Variants in TSGA10 observed in about 807,000 individuals in gnomAD.
The protein encoded by TSGA10 is testis-specific gene 10 protein.
A neutral mutation model predicts 96.6 loss-of-function variants in TSGA10; 43 were observed. That is an observed-to-expected ratio of 0.44 (90% CI 0.35 to 0.57). The LOEUF is 0.57. Ranked by LOEUF, TSGA10 falls within the 20% of genes least tolerant of loss-of-function variation. The pLI, the probability that TSGA10 is intolerant of heterozygous loss-of-function variation, is 0.01. For synonymous variants in TSGA10, 229 were observed against 269.9 expected, an observed-to-expected ratio of 0.85 and a Z score of 1.48; for missense variants, 703 against 834.4, an observed-to-expected ratio of 0.84 and a Z score of 1.94.
chr2:99,106,261 T>A (rs1413940687), intron 7 of TSGA10, among the ~76,000 whole-genome samples: 1 of 152,174 alleles, frequency 6.6e-6, no homozygotes, highest in Non-Finnish European at 1.5e-5. Context: ...CTTTTCCTCT[T>A]GATTTTGATC....
intron 16 of TSGA10, among the ~76,000 whole-genome samples, chr2:99,041,620 G>A (rs1278548746): frequency 2.0e-5 from 3 of 152,054 alleles, no homozygotes; most frequent in Non-Finnish European, 4.4e-5. Context: ...GAGATAATTG[G>A]CAAGCTATAT....
chr2:98,999,384 T>G (rs1326758830), intron 20 of TSGA10, among the ~76,000 whole-genome samples: 1 of 152,090 alleles, frequency 6.6e-6, no homozygotes, highest in Non-Finnish European at 1.5e-5. Flanking sequence ...CATGACAACC[T>G]GGGAAAGGCA....
intron 20 of TSGA10, among the ~76,000 whole-genome samples, chr2:99,011,648 C>T (rs1307041586): frequency 6.6e-6 from 1 of 152,088 alleles, no homozygotes. Context: ...CCTCCCTGAC[C>T]TTTAAATGTG....
rs140755710 is a variant in TSGA10 at position 99,092,985 on chromosome 2, T to C, written c.611+10982A>G. 3.0e-3 allele frequency among the ~76,000 whole-genome samples: 457 copies of C among 152,210 alleles called. 1 individual carries two copies. Among genetic ancestry groups the C allele is most frequent in the African/African-American group, 9.3e-3 (387 of 41,552 alleles). ...TATAGACCAATATATCTGATGAATATAGATGCAAAAATCCTTAACAAAATA... is the reference window on the plus strand; with the variant it reads ...TATAGACCAATATATCTGATGAATACAGATGCAAAAATCCTTAACAAAATA... On this transcript the variant is annotated intron_variant, in intron 10 of 20. Transcript: ENST00000393483.
In TSGA10 at chr2:99,074,000, C is replaced by CTTTTTTT. The variant is rs1167854716; in HGVS notation, c.883-934_883-928dup. Among the ~76,000 whole-genome samples, 461 of 52,642 alleles carry CTTTTTTT rather than the reference C, an allele frequency of 8.8e-3. 63 individuals carry two copies. The highest frequency in any genetic ancestry group is 0.031 in the Middle Eastern group (1 of 32). The allele number at this position is 52,642 out of a possible 152,430, so 34.5% of individuals were successfully genotyped here. On this transcript the variant is annotated intron_variant, in intron 12 of 20. Coordinates refer to ENST00000393483, the MANE Select transcript of TSGA10 (RefSeq NM_025244.4). ...AACCAATTCTGTTCCTGTTTCTTTT[C>CTTTTTTT]TTTTTTTTTTTTTTTTTTTTTTTTT...
At chr2:99,113,240 G>A (rs1245340461) in intron 4 of TSGA10, among the ~76,000 whole-genome samples, 2 of 152,084 alleles carry the variant, frequency 1.3e-5, no homozygotes, top group African/African-American at 4.8e-5. Flanking sequence ...CTCCCCTAGA[G>A]TGTGGGTTAT....
chr2:99,027,138 G>A (rs917453877), intron 17 of TSGA10, among the ~76,000 whole-genome samples: 7 of 152,344 alleles, frequency 4.6e-5, no homozygotes, highest in Middle Eastern at 3.4e-3. Context: ...GTGCGGCTAG[G>A]ACTGGTACCA....
intron 10 of TSGA10, among the ~76,000 whole-genome samples, chr2:99,092,519 T>A (rs1212453473): frequency 1.3e-5 from 2 of 152,098 alleles, no homozygotes; most frequent in Non-Finnish European, 2.9e-5. Context: ...GTAAAATTGA[T>A]AGACCATTAG....
chr2:99,023,487 C>T (rs1230243200), intron 17 of TSGA10, among the ~76,000 whole-genome samples: 2 of 151,924 alleles, frequency 1.3e-5, no homozygotes, highest in African/African-American at 2.4e-5. Flanking sequence ...TGCTGCCTAA[C>T]CCAAGGTCAC....
chr2:99,107,852 G>T (rs564230717), intron 7 of TSGA10, among the ~76,000 whole-genome samples: 43 of 152,146 alleles, frequency 2.8e-4, no homozygotes, highest in Non-Finnish European at 5.9e-4. Flanking sequence ...TACAGAAAAA[G>T]TATATTGATT....
chr2:99,095,908 G>A (rs545573145), intron 10 of TSGA10, among the ~76,000 whole-genome samples: 1 of 152,140 alleles, frequency 6.6e-6, no homozygotes, highest in African/African-American at 2.4e-5. Flanking sequence ...CAAAGTGCTG[G>A]GATTACAGGC....
At chr2:99,110,943 T>A (rs888934572) in intron 4 of TSGA10, 28 bp from the exon 5 acceptor site, 8 of 514,526 alleles carry the variant, frequency 1.6e-5, no homozygotes, top group African/African-American at 4.2e-5. Flanking sequence ...AAAAAAAAAA[T>A]TATTTCTATT....
rs1167854716 is a variant in TSGA10 at position 99,074,000 on chromosome 2, CTTTTTTTTTTTTTTT to C, written c.883-942_883-928del. 5.1e-4 allele frequency among the ~76,000 whole-genome samples: 27 copies of C among 52,638 alleles called. 1 individual carries two copies. Among genetic ancestry groups the C allele is most frequent in the South Asian group, 4.2e-3 (6 of 1,434 alleles). 34.5% of individuals were successfully genotyped at this position (52,638 alleles called of 152,430 possible). A position where few individuals can be genotyped will look rare whatever the true frequency, so the allele number is the denominator to read the frequency against. ...AACCAATTCTGTTCCTGTTTCTTTT[CTTTTTTTTTTTTTTT>C]TTTTTTTTTTTTTTGAGATGGAGTT... On this transcript the variant is annotated intron_variant, in intron 12 of 20. Coordinates refer to ENST00000393483, the MANE Select transcript of TSGA10 (RefSeq NM_025244.4).
chr2:99,073,991 G>GTTTTTT (rs2086294128), intron 12 of TSGA10, among the ~76,000 whole-genome samples: 1 of 44,364 alleles, frequency 2.3e-5, no homozygotes, highest in African/African-American at 9.1e-5. Context: ...TTCTGTTCCT[G>GTTTTTT]TTTCTTTTCT....
At chr2:99,081,485 C>T (rs1245005915) in intron 10 of TSGA10, 88 bp from the exon 11 acceptor site, 1 of 505,436 alleles carries the variant, frequency 2.0e-6, no homozygotes, top group East Asian at 3.4e-5. Context: ...TTTAAGGACA[C>T]TAATATATTT....
intron 10 of TSGA10, among the ~76,000 whole-genome samples, chr2:99,082,253 C>T (rs1181237955): frequency 6.6e-6 from 1 of 151,894 alleles, no homozygotes; most frequent in East Asian, 1.9e-4. Flanking sequence ...TAGAGCCCCG[C>T]ACCTGGTTCC....
At chr2:99,081,472 AC>A (rs1462136737) in intron 10 of TSGA10, 75 bp from the exon 11 acceptor site, 1 of 584,592 alleles carries the variant, frequency 1.7e-6, no homozygotes, top group African/African-American at 1.9e-5. Context: ...AAATCTAAAA[AC>A]TTTTAAGGAC....
intron 1 of TSGA10, among the ~76,000 whole-genome samples, chr2:99,136,187 T>C (rs2093320542): frequency 6.6e-6 from 1 of 152,218 alleles, no homozygotes; most frequent in African/African-American, 2.4e-5. Context: ...CAAGTCCTAC[T>C]GCTCTTTTCA....
chr2:99,150,064 T>A (rs2093677371), intron 1 of TSGA10, among the ~76,000 whole-genome samples: 1 of 152,218 alleles, frequency 6.6e-6, no homozygotes. Context: ...AGTGCTGGGA[T>A]TACAGGCGTG....
Sources: gnomAD v4.1 joint callset for allele counts (sites outside exome capture counted in the v4.1 genomes callset) on GRCh38, gnomAD v4.1.1 for gene constraint, MANE v1.5 for transcripts, NCBI Gene and HGNC (gene_info 2026-07-23, HGNC 2026-07-21) for gene names.